The following RASSF4 variants were observed in gnomAD, a reference collection of about 807,000 sequenced individuals.
RASSF4 encodes the protein ras association domain-containing protein 4.
In RASSF4, 38 loss-of-function variants were observed where a neutral mutation model predicts 41.1. The observed-to-expected ratio is 0.92, with a 90% CI of 0.71 to 1.21. RASSF4 has a LOEUF of 1.21. RASSF4 is among the 50% of genes most tolerant of loss of function. The pLI, the probability that RASSF4 is intolerant of heterozygous loss-of-function variation, is 0.00. For missense variants in RASSF4, 414 were observed against 419.4 expected (o/e 0.99, Z 0.11); for synonymous variants, 179 against 163.4 (o/e 1.10, Z -0.73).
At chr10:44,970,315 C>A in intron 2 of RASSF4, 51 bp downstream of exon 2, 1 of 1,486,152 alleles carries the variant, frequency 6.7e-7, no homozygotes, top group Non-Finnish European at 9.4e-7. Context: ...TTTGCCATCC[C>A]CCTCATCCTG....
chr10:44,983,835 G>T lies in RASSF4; in HGVS notation c.282-187G>T, dbSNP rs1588836885. On this transcript the variant is annotated intron_variant, in intron 4 of 10. Coordinates refer to ENST00000340258, the MANE Select transcript of RASSF4 (RefSeq NM_032023.4). ...GCTCACTCTCCGTCCAGCAGATGCT[G>T]GGGGGAGGCCTCTACTTTTCTTTTA... The T allele has an allele frequency of 1.1e-5, 11 of 987,026 alleles. No homozygotes were observed. In the Admixed American group the frequency reaches 2.9e-4, roughly 26 times the overall value. The allele number at this position is 987,026 out of a possible 1,614,324, so 61.1% of individuals were successfully genotyped here.
chr10:44,978,228 G>T (rs897377495), intron 3 of RASSF4: 2 of 577,942 alleles, frequency 3.5e-6, no homozygotes. Context: ...TCCTGTTCAG[G>T]TTAAAAACCC....
chr10:44,992,035 C>G (rs1842133349), intron 10 of RASSF4, 33 bp downstream of exon 10: 2 of 1,421,078 alleles, frequency 1.4e-6, no homozygotes, highest in African/African-American at 2.8e-5. Context: ...GTCATGGGTC[C>G]TGAACATCAG....
intron 4 of RASSF4, 88 bp downstream of exon 4, chr10:44,982,751 C>T: frequency 7.1e-7 from 1 of 1,409,210 alleles, no homozygotes; most frequent in African/African-American, 1.4e-5. Flanking sequence ...AGCCCTGTTC[C>T]CTTATGGGAC....
intron 3 of RASSF4, chr10:44,981,786 C>G (rs1399429717): frequency 6.6e-6 from 1 of 152,282 alleles, no homozygotes; most frequent in Non-Finnish European, 1.5e-5. Context: ...GGGGTGCCAA[C>G]CAGCACTACT....
chr10:44,984,798 C>G lies in RASSF4; in HGVS notation c.374-15C>G. 1.9e-6 allele frequency: 3 copies of G among 1,612,882 alleles called. No homozygotes were observed. The highest frequency in any genetic ancestry group is 1.7e-4 in the Middle Eastern group (1 of 6,054). On this transcript the variant is annotated splice_polypyrimidine_tract_variant and intron_variant, in intron 5 of 10. Transcript: ENST00000340258. ...ATCACCCACCCTGCCATTCTCTCAC[C>G]CATTTCTCATGCAGGGCCCCTGGAG...
intron 3 of RASSF4, among the ~76,000 whole-genome samples, chr10:44,973,014 C>A (rs1011949641): frequency 4.6e-5 from 7 of 152,234 alleles, no homozygotes; most frequent in African/African-American, 7.2e-5. Flanking sequence ...GCTGGCCAGG[C>A]CAGACATCAC....
intron 3 of RASSF4, among the ~76,000 whole-genome samples, chr10:44,974,512 TC>T (rs1841312876): frequency 1.3e-5 from 2 of 152,104 alleles, no homozygotes; most frequent in Non-Finnish European, 2.9e-5. Flanking sequence ...AGTGAACAGG[TC>T]TCAGGGACAC....
intron 8 of RASSF4, among the ~76,000 whole-genome samples, chr10:44,990,116 G>A (rs1842056121): frequency 6.6e-6 from 1 of 152,208 alleles, no homozygotes; most frequent in Admixed American, 6.5e-5. Flanking sequence ...CGCCGAGTCA[G>A]GAAGGGTGGG....
chr10:44,985,065 C>T, intron 6 of RASSF4, 95 bp downstream of exon 6: 1 of 1,380,102 alleles, frequency 7.2e-7, no homozygotes, highest in Non-Finnish European at 9.9e-7. Flanking sequence ...GGGCTGCTGG[C>T]ATTCCTGTGC....
chr10:44,989,988 G>T (rs536661098), intron 8 of RASSF4, among the ~76,000 whole-genome samples: 1 of 152,234 alleles, frequency 6.6e-6, no homozygotes, highest in African/African-American at 2.4e-5. Context: ...TTTCTAGGTC[G>T]CTCAGTACAT....
chr10:44,963,196 G>T (rs1840772833), intron 1 of RASSF4, among the ~76,000 whole-genome samples: 1 of 152,138 alleles, frequency 6.6e-6, no homozygotes, highest in Admixed American at 6.5e-5. Flanking sequence ...AGTGAGTTGA[G>T]CCAGAGGGAT....
intron 6 of RASSF4, among the ~76,000 whole-genome samples, chr10:44,988,238 C>G (rs1207789907): frequency 6.6e-6 from 1 of 152,106 alleles, no homozygotes; most frequent in Non-Finnish European, 1.5e-5. Flanking sequence ...CCTCCTAAAG[C>G]CTCTGATTCC....
In RASSF4 at chr10:44,994,292, T is replaced by C. The variant is rs1012972868; in HGVS notation, c.*963T>C. ...ATACTGAACAATTTGTGTTTGTGAC[T>C]GATGGAGAATTTCAGGAATGAATGA... is the stretch of plus-strand genomic sequence containing the variant. On this transcript the variant is annotated 3_prime_UTR_variant, in exon 11 of 11. Transcript: ENST00000340258. 4 of 152,696 alleles carry C rather than the reference T, an allele frequency of 2.6e-5. No individual in the cohort carries two copies. The highest frequency in any genetic ancestry group is 6.5e-5 in the Admixed American group (1 of 15,290). The allele number at this position is 152,696 out of a possible 1,614,324, so 9.5% of individuals were successfully genotyped here.
chr10:44,984,337 G>A (rs1841835818), intron 5 of RASSF4: 1 of 578,832 alleles, frequency 1.7e-6, no homozygotes, highest in Non-Finnish European at 3.1e-6. Flanking sequence ...GACAGTGACA[G>A]TGTGGGGGTG....
intron 4 of RASSF4, chr10:44,982,937 A>G (rs745818226): frequency 3.0e-6 from 2 of 674,918 alleles, no homozygotes; most frequent in South Asian, 1.5e-5. Context: ...AGGGACGACT[A>G]CAGCCAGGGG....
chr10:44,984,266 G>A (rs11239301), intron 5 of RASSF4, 153 bp downstream of exon 5: 107,465 of 689,510 alleles, frequency 0.16, 9,039 homozygotes, highest in South Asian at 0.25. Context: ...GCCTGCCTGT[G>A]AGGTGCTCTG....
intron 8 of RASSF4, 169 bp from the exon 9 acceptor site, chr10:44,990,779 G>C (rs773282527): frequency 3.3e-5 from 19 of 574,668 alleles, no homozygotes; most frequent in African/African-American, 3.1e-4. Flanking sequence ...GCCCTGTTCT[G>C]CCTCCCTTCT....
chr10:44,987,274 T>A (rs1289193231), intron 6 of RASSF4, among the ~76,000 whole-genome samples: 1 of 152,134 alleles, frequency 6.6e-6, no homozygotes. Context: ...AATTTTTGTA[T>A]TTTTTGTAGA....
Sources: allele counts gnomAD v4.1 joint callset (sites outside exome capture counted in the v4.1 genomes callset), GRCh38; gene constraint gnomAD v4.1.1; transcripts MANE v1.5; gene names NCBI Gene and HGNC (gene_info 2026-07-23, HGNC 2026-07-21).